Variants in DDX27 observed in about 807,000 individuals in gnomAD.
DDX27 encodes probable ATP-dependent RNA helicase DDX27.
DDX27 carries 42 observed loss-of-function variants against 99.3 expected under a neutral mutation model. The observed-to-expected ratio is 0.42, with a 90% CI of 0.33 to 0.55. The LOEUF is 0.55. DDX27 is among the 20% of genes least tolerant of loss of function. DDX27 has a pLI of 0.07. For synonymous variants in DDX27, 329 were observed against 353.8 expected (o/e 0.93, Z 0.79); for missense variants, 798 against 976.8 (o/e 0.82, Z 2.44).
chr20:49,243,429 C>T (rs1267343118), intron 19 of DDX27, among the ~76,000 whole-genome samples, 200 bp from the exon 20 acceptor site: 1 of 152,186 alleles, frequency 6.6e-6, no homozygotes, highest in African/African-American at 2.4e-5. Flanking sequence ...GGGCCTCTTC[C>T]AACCTTGTTT....
intron 9 of DDX27, chr20:49,232,726 T>C (rs1980157709): frequency 1.6e-5 from 2 of 126,360 alleles, no homozygotes; most frequent in Non-Finnish European, 3.1e-5. Flanking sequence ...ATCGCGCCAC[T>C]GCACTCCATC....
Position 49,221,572 on chromosome 20 carries a change from G to T in DDX27, c.214G>T (p.Asp72Tyr). 1 of 1,608,850 alleles carries T rather than the reference G, an allele frequency of 6.2e-7. No homozygotes were observed. Among genetic ancestry groups the T allele is most frequent in the Non-Finnish European group, 8.5e-7 (1 of 1,177,266 alleles). Residue 72 changes from aspartate to tyrosine, a missense_variant, in exon 2 of 21, where the codon GAT becomes TAT. Coordinates refer to ENST00000618172, the MANE Select transcript of DDX27 (RefSeq NM_017895.8). The part of the protein sequence containing the change: ...GTYDGSWALA[D>Y]VMSQLKKKRA... ...GTACGATGGCAGCTGGGCCCTGGCT[G>T]ATGTCATGAGCCAACTCAAGAAGAA...
rs375052965 is a variant in DDX27 at position 49,223,302 on chromosome 20, A to C, written c.335A>C (p.Glu112Ala). Residue 112 changes from glutamate to alanine, a missense_variant, in exon 4 of 21, where the codon GAG becomes GCG. Glu to Ala is a moderately radical substitution (Grantham distance 107, BLOSUM62 -1). Transcript: ENST00000618172. ...GCCAAGTCTGGGAAGTTGGAAAAGG[A>C]GAAAGAAGCAAAGGAAGGCTCTGAA... is the stretch of plus-strand genomic sequence containing the variant. The part of the protein sequence containing the change: ...KEAKSGKLEK[E>A]KEAKEGSEPK... 3 of 1,613,160 alleles carry C rather than the reference A, an allele frequency of 1.9e-6. No homozygotes were observed. In the African/African-American group the frequency reaches 4.0e-5, roughly 22 times the overall value.
chr20:49,225,772 A>G (rs940334571), intron 6 of DDX27, among the ~76,000 whole-genome samples: 1 of 152,028 alleles, frequency 6.6e-6, no homozygotes, highest in African/African-American at 2.4e-5. Flanking sequence ...CTCTTAAGCA[A>G]TGAGTTCCAT....
intron 2 of DDX27, among the ~76,000 whole-genome samples, chr20:49,222,413 G>T (rs562986454): frequency 1.3e-5 from 2 of 152,104 alleles, no homozygotes; most frequent in South Asian, 4.2e-4. Context: ...GGGTTCAAGC[G>T]ATTCTCCTGC....
chr20:49,230,160 C>T (rs1299355241), intron 8 of DDX27, 39 bp from the exon 9 acceptor site: 2 of 1,578,498 alleles, frequency 1.3e-6, no homozygotes, highest in South Asian at 2.3e-5. Context: ...CCATGAGCAG[C>T]TGACCTGGCC....
At position 49,220,233 on chromosome 20, in the gene DDX27, G is replaced by A. The variant is rs78481237; in HGVS notation, c.93+692G>A. Among the ~76,000 whole-genome samples, 1,329 of 152,166 alleles carry A rather than the reference G, an allele frequency of 8.7e-3. 21 individuals are homozygous for A. Among genetic ancestry groups the A allele is most frequent in the African/African-American group, 0.03 (1,249 of 41,504 alleles). On this transcript the variant is annotated intron_variant, in intron 1 of 20. Transcript: ENST00000618172. ...TTCCCTTCTCAAGCCAGAAACCTTA[G>A]AGTTATTCTTGACAGTTTTTTCTTC... is the stretch of plus-strand genomic sequence containing the variant.
chr20:49,235,028 G>A lies in DDX27; in HGVS notation c.1367G>A (p.Gly456Glu). Reference protein sequence around the residue: ...HRMHILLGLMGLQVGELHGNL... With the variant: ...HRMHILLGLMELQVGELHGNL... ...ATGCACATCCTCCTGGGGCTCATGG[G>A]GCTGCAGGTGGGTGAGCTCCATGGC... Residue 456 changes from glycine (G) to glutamate (E), a missense_variant, in exon 12 of 21, where the codon GGG becomes GAG. By Grantham distance (98) the Gly-to-Glu change is moderately conservative. Around this residue, in one of 2 missense-constraint regions of DDX27, gnomAD observed 553 missense variants for 727.9 expected, o/e 0.76. Coordinates refer to ENST00000618172, the MANE Select transcript of DDX27 (RefSeq NM_017895.8). 6.2e-7 allele frequency: 1 copy of A among 1,613,498 alleles called. No homozygotes were observed. The highest frequency in any genetic ancestry group is 2.2e-5 in the East Asian group (1 of 44,826).
At chr20:49,239,569 G>A (rs1387751595) in intron 16 of DDX27, among the ~76,000 whole-genome samples, 1 of 152,184 alleles carries the variant, frequency 6.6e-6, no homozygotes, top group African/African-American at 2.4e-5. Flanking sequence ...TAGGGTTAGT[G>A]CTCTTATGAG....
intron 1 of DDX27, among the ~76,000 whole-genome samples, chr20:49,219,743 T>C (rs1028956495): frequency 6.6e-6 from 1 of 152,158 alleles, no homozygotes; most frequent in African/African-American, 2.4e-5. Context: ...GGCCATGTCG[T>C]TCCCTGTCTC....
At position 49,235,000 on chromosome 20, in the gene DDX27, C is replaced by G. The variant is rs759121430; in HGVS notation, c.1339C>G (p.Arg447Gly). 1.2e-6 allele frequency: 2 copies of G among 1,613,546 alleles called. No homozygotes were observed. Among genetic ancestry groups the G allele is most frequent in the Non-Finnish European group, 1.7e-6 (2 of 1,179,736 alleles). Residue 447 changes from arginine (R) to glycine (G), a missense_variant, in exon 12 of 21, where the codon CGC becomes GGC. This residue lies in a region of DDX27 where 553 missense variants were observed against 727.9 expected (regional missense o/e 0.76). Coordinates refer to ENST00000618172, the MANE Select transcript of DDX27 (RefSeq NM_017895.8). ...CACGCAAACCAAGAAGCAGGCCCACCGCATGCACATCCTCCTGGGGCTCAT... is the reference window on the plus strand; with the variant it reads ...CACGCAAACCAAGAAGCAGGCCCACGGCATGCACATCCTCCTGGGGCTCAT... Reference protein sequence around the residue: ...LFTQTKKQAHRMHILLGLMGL... With the variant: ...LFTQTKKQAHGMHILLGLMGL...
rs375453107 is a variant in DDX27 at position 49,235,252 on chromosome 20, G to A, written c.1427+164G>A. The A allele has an allele frequency of 1.1e-4, 80 of 730,346 alleles. No homozygotes were observed. The South Asian group carries it at 1.8e-3, about 16-fold the overall frequency. The allele number at this position is 730,346 out of a possible 1,614,324, so 45.2% of individuals were successfully genotyped here. A position where few individuals can be genotyped will look rare whatever the true frequency, so the allele number is the denominator to read the frequency against. ...CTAACCACTGTGAGGTCATGTCTTA[G>A]ATGTGTTTAGAACTCTAACTTCATA... On this transcript the variant is annotated intron_variant, in intron 12 of 20. Coordinates refer to ENST00000618172, the MANE Select transcript of DDX27 (RefSeq NM_017895.8).
At chr20:49,233,211 A>C (rs887866849) in intron 9 of DDX27, 95 bp from the exon 10 acceptor site, 4 of 820,058 alleles carry the variant, frequency 4.9e-6, no homozygotes, top group African/African-American at 1.7e-5. Flanking sequence ...AATGTAACCA[A>C]TGACAACAAA....
chr20:49,221,120 C>A (rs1007210088), intron 1 of DDX27, among the ~76,000 whole-genome samples: 2 of 152,198 alleles, frequency 1.3e-5, no homozygotes, highest in African/African-American at 4.8e-5. Flanking sequence ...CGCCACCACG[C>A]CCGGCTAATT....
In DDX27 at chr20:49,226,433, A is replaced by C. The variant is rs749603225; in HGVS notation, c.604A>C (p.Ile202Leu). The change falls in exon 7 of 21, where the codon ATT (isoleucine) becomes CTT (leucine). Residue 202 changes from isoleucine (I) to leucine (L), a missense_variant. Ile to Leu is a conservative substitution (Grantham distance 5). Transcript: ENST00000618172. ...MNLSRPLLKA[I>L]TAMGFKQPTP... is the part of the protein sequence containing the mutation. ...GACCCAGTTCTTTTTTCCTCAGGCC[A>C]TTACAGCCATGGGCTTCAAGCAGCC... The C allele has an allele frequency of 6.2e-7, 1 of 1,613,348 alleles. No individual in the cohort carries two copies. Among genetic ancestry groups the C allele is most frequent in the Non-Finnish European group, 8.5e-7 (1 of 1,179,652 alleles).
At chr20:49,227,586 C>T (rs1163609627) in intron 7 of DDX27, among the ~76,000 whole-genome samples, 13 of 151,820 alleles carry the variant, frequency 8.6e-5, no homozygotes, top group South Asian at 6.3e-4. Context: ...AGGCTGGTCT[C>T]GAATTCCTGA....
rs1980053771 is a variant in DDX27, at chr20:49,230,229, C to CAT, written c.911_912insAT (p.Leu305PhefsTer28). The CAT allele has an allele frequency of 6.2e-7, 1 of 1,613,100 alleles. No individual in the cohort carries two copies. The highest frequency in any genetic ancestry group is 8.5e-7 in the Non-Finnish European group (1 of 1,179,960). ...TTGGATGTGAAGTCTCAGGAAGCAG[C>CAT]TCTTCGGGCAGCGCCTGACATCCTC... On this transcript the variant is annotated frameshift_variant, in exon 9 of 21. Coordinates refer to ENST00000618172, the MANE Select transcript of DDX27 (RefSeq NM_017895.8). LOFTEE classifies it high-confidence loss of function.
intron 4 of DDX27, among the ~76,000 whole-genome samples, chr20:49,224,165 CTG>C (rs1233429294): frequency 1.3e-5 from 2 of 152,076 alleles, no homozygotes; most frequent in Non-Finnish European, 2.9e-5. Flanking sequence ...GCGTGAGCCA[CTG>C]TGCCCGCTGA....
intron 16 of DDX27, 123 bp downstream of exon 16, chr20:49,239,461 A>G (rs1600976403): frequency 4.4e-6 from 3 of 687,864 alleles, no homozygotes; most frequent in East Asian, 5.4e-5. Context: ...AAGGACCAGT[A>G]TCGTGGAAGA....
Sources: allele counts gnomAD v4.1 joint callset (sites outside exome capture counted in the v4.1 genomes callset), GRCh38; gene constraint gnomAD v4.1.1; regional missense constraint gnomAD v4.1.1; transcripts MANE v1.5; gene names NCBI Gene and HGNC (gene_info 2026-07-23, HGNC 2026-07-21).